GRAMD1B: variants seen among roughly 807,000 people sequenced by gnomAD.
GRAMD1B encodes the protein protein Aster-B.
Under a neutral mutation model 99.7 loss-of-function variants are expected in GRAMD1B, and 37 were observed. The observed-to-expected ratio is 0.37, with a 90% CI of 0.29 to 0.49. GRAMD1B has a LOEUF of 0.49. Among genes scored for constraint, GRAMD1B ranks in the 20% least tolerant of loss-of-function variants. GRAMD1B has a pLI of 0.98. For synonymous variants in GRAMD1B, 427 were observed against 387.6 expected, an observed-to-expected ratio of 1.10 and a Z score of -1.19; for missense variants, 888 against 1,009.2, an observed-to-expected ratio of 0.88 and a Z score of 1.63.
intron 2 of GRAMD1B, among the ~76,000 whole-genome samples, chr11:123,552,978 A>T (rs1451932821): frequency 2.6e-5 from 4 of 152,240 alleles, no homozygotes; most frequent in Non-Finnish European, 5.9e-5. Context: ...AGTTATTTAG[A>T]TACTAAATTA....
intron 2 of GRAMD1B, among the ~76,000 whole-genome samples, chr11:123,543,730 C>T (rs928651561): frequency 6.6e-6 from 1 of 152,220 alleles, no homozygotes; most frequent in Non-Finnish European, 1.5e-5. Context: ...TCTTTGATCC[C>T]ATTTCGCAGA....
At chr11:123,388,810 C>T (rs754888214) in intron 1 of GRAMD1B, among the ~76,000 whole-genome samples, 12 of 152,174 alleles carry the variant, frequency 7.9e-5, no homozygotes, top group Non-Finnish European at 1.3e-4. Context: ...CCTGCTAGAA[C>T]CCAGCCATGC....
At chr11:123,411,728 G>A (rs1948059215) in intron 1 of GRAMD1B, among the ~76,000 whole-genome samples, 2 of 152,158 alleles carry the variant, frequency 1.3e-5, no homozygotes, top group South Asian at 2.1e-4. Context: ...GCTCACTGCA[G>A]CCTTGACTTC....
At chr11:123,483,376 T>C (rs1951716056) in intron 2 of GRAMD1B, among the ~76,000 whole-genome samples, 1 of 150,732 alleles carries the variant, frequency 6.6e-6, no homozygotes, top group Admixed American at 6.7e-5. Context: ...CCATTTAATA[T>C]TTTCTTTTCT....
intron 7 of GRAMD1B, chr11:123,598,005 A>G (rs1346581383): frequency 8.0e-7 from 1 of 1,252,694 alleles, no homozygotes; most frequent in East Asian, 2.3e-5. Context: ...TTCCCACTTG[A>G]GTCTTCATAT....
chr11:123,584,175 C>T, intron 3 of GRAMD1B, 137 bp from the exon 4 acceptor site: 1 of 575,004 alleles, frequency 1.7e-6, no homozygotes, highest in Non-Finnish European at 3.1e-6. Context: ...TCCTGAGCAA[C>T]CACATGGGAA....
Position 123,623,075 on chromosome 11 carries a change from T to A in GRAMD1B, c.*480T>A, listed in dbSNP as rs966041121. The A allele has an allele frequency of 6.6e-6, 1 of 152,236 alleles. No homozygotes were observed. Among genetic ancestry groups the A allele is most frequent in the African/African-American group, 2.4e-5 (1 of 41,432 alleles). 9.4% of individuals were successfully genotyped at this position (152,236 alleles called of 1,614,324 possible). On this transcript the variant is annotated 3_prime_UTR_variant, in exon 20 of 20. Transcript: ENST00000635736. Reference sequence around the variant, plus strand: ...TCCCTACCCCAGGCTTCCCCAGGCATTCTCTTGGGAACACAGAAGCATCAA... The same window carrying A: ...TCCCTACCCCAGGCTTCCCCAGGCAATCTCTTGGGAACACAGAAGCATCAA...
intron 2 of GRAMD1B, among the ~76,000 whole-genome samples, chr11:123,507,393 T>C (rs1591748869): frequency 6.6e-6 from 1 of 152,212 alleles, no homozygotes; most frequent in African/African-American, 2.4e-5. Flanking sequence ...AACCAGGCAA[T>C]AGGCTAAAGA....
At position 123,446,197 on chromosome 11, in the gene GRAMD1B, T is replaced by C. The variant is rs113281928; in HGVS notation, c.374+15031T>C. On this transcript the variant is annotated intron_variant, in intron 1 of 19. Coordinates refer to ENST00000635736, the MANE Select transcript of GRAMD1B (RefSeq NM_001387025.1). ...TATTATTTTTTTTAGATGGAGTCTC[T>C]CTTTGTCGCCCAGACTTGAGTGCAG... Among the ~76,000 whole-genome samples the C allele has an allele frequency of 6.7e-3, 1,021 of 152,144 alleles. 12 individuals are homozygous for C. Among genetic ancestry groups the C allele is most frequent in the African/African-American group, 0.023 (944 of 41,516 alleles).
At chr11:123,601,293 T>C (rs1951925286) in intron 8 of GRAMD1B, among the ~76,000 whole-genome samples, 1 of 151,892 alleles carries the variant, frequency 6.6e-6, no homozygotes, top group African/African-American at 2.4e-5. Flanking sequence ...AATGAAACTA[T>C]GAAGAGACAC....
At chr11:123,571,857 C>T (rs1310487185) in intron 2 of GRAMD1B, among the ~76,000 whole-genome samples, 2 of 152,146 alleles carry the variant, frequency 1.3e-5, no homozygotes, top group Non-Finnish European at 2.9e-5. Flanking sequence ...CCTTGAACCC[C>T]GTACCCTTCA....
intron 2 of GRAMD1B, among the ~76,000 whole-genome samples, chr11:123,561,011 C>T (rs533216648): frequency 1.3e-5 from 2 of 152,206 alleles, no homozygotes; most frequent in South Asian, 4.1e-4. Flanking sequence ...CTAGCCTTTT[C>T]TTTTCTCCTC....
At chr11:123,566,197 G>C (rs1042015441) in intron 2 of GRAMD1B, among the ~76,000 whole-genome samples, 1 of 152,174 alleles carries the variant, frequency 6.6e-6, no homozygotes, top group Non-Finnish European at 1.5e-5. Flanking sequence ...TTGTGATCGT[G>C]CAACAGACTA....
chr11:123,381,370 T>C (rs907381823), intron 1 of GRAMD1B: 2 of 154,368 alleles, frequency 1.3e-5, no homozygotes, highest in East Asian at 1.9e-4. Context: ...ATTCTCCCTA[T>C]TGCGTCATGA....
intron 2 of GRAMD1B, among the ~76,000 whole-genome samples, chr11:123,536,382 TCCAG>T (rs1943963957): frequency 1.3e-5 from 2 of 152,130 alleles, no homozygotes; most frequent in South Asian, 4.2e-4. Context: ...ACCACTGGAC[TCCAG>T]CCTGGGTGAC....
chr11:123,582,967 C>G (rs112105755), intron 3 of GRAMD1B, among the ~76,000 whole-genome samples: 1 of 152,170 alleles, frequency 6.6e-6, no homozygotes, highest in African/African-American at 2.4e-5. Context: ...TAAGCTCCAC[C>G]GAGAGATGGA....
Position 123,587,314 on chromosome 11 carries a change from C to T in GRAMD1B, c.684+2982C>T, listed in dbSNP as rs943564824. ...TGAAGGCAGTGCCATCTACAGGTGCCCTGAGTCCTCCCATGCCCAATTATA... is the reference window on the plus strand; with the variant it reads ...TGAAGGCAGTGCCATCTACAGGTGCTCTGAGTCCTCCCATGCCCAATTATA... On this transcript the variant is annotated intron_variant, in intron 4 of 19. Transcript: ENST00000635736. This position sits in a 1 kb window ranked among gnomAD's most constrained non-coding sequence, Gnocchi z 4.2. Among the ~76,000 whole-genome samples the T allele has an allele frequency of 1.3e-5, 2 of 152,132 alleles. No homozygotes were observed. The highest frequency in any genetic ancestry group is 4.8e-5 in the African/African-American group (2 of 41,412).
intron 1 of GRAMD1B, among the ~76,000 whole-genome samples, chr11:123,393,583 T>A (rs928729327): frequency 6.6e-6 from 1 of 152,208 alleles, no homozygotes; most frequent in Non-Finnish European, 1.5e-5. Context: ...ACCGCGTGCA[T>A]CTTTCCTTGG....
intron 1 of GRAMD1B, among the ~76,000 whole-genome samples, chr11:123,435,937 CTTTTT>C (rs10647186): frequency 7.3e-5 from 7 of 95,704 alleles, no homozygotes; most frequent in Admixed American, 4.1e-4. Flanking sequence ...GAAACTCATA[CTTTTT>C]TTTTTTTTTT....
Sources: allele counts gnomAD v4.1 joint callset (sites outside exome capture counted in the v4.1 genomes callset), GRCh38; gene constraint gnomAD v4.1.1; non-coding constraint Gnocchi (gnomAD v3.1); transcripts MANE v1.5; gene names NCBI Gene and HGNC (gene_info 2026-07-23, HGNC 2026-07-21).